Variants in SMOC2 observed in about 807,000 individuals in gnomAD.
The protein encoded by SMOC2 is SPARC related modular calcium binding 2, also known as SPARC-related modular calcium-binding protein 2.
SMOC2 carries 39 observed loss-of-function variants against 61.4 expected under a neutral mutation model. The observed-to-expected ratio is 0.64, with a 90% CI of 0.49 to 0.83. SMOC2 has a LOEUF of 0.83. Among genes scored for constraint, SMOC2 ranks in the 40% least tolerant of loss-of-function variants. The pLI is 0.00. For missense variants in SMOC2, 556 were observed against 592.9 expected, an observed-to-expected ratio of 0.94 and a Z score of 0.65; for synonymous variants, 247 against 239.9, an observed-to-expected ratio of 1.03 and a Z score of -0.27.
At chr6:168,473,186 TGA>T (rs1782003046) in intron 1 of SMOC2, among the ~76,000 whole-genome samples, 2 of 152,156 alleles carry the variant, frequency 1.3e-5, no homozygotes, top group African/African-American at 4.8e-5. Context: ...GGATCAGGGC[TGA>T]GACCACTGAG....
chr6:168,617,371 C>G (rs1376053488), intron 9 of SMOC2, among the ~76,000 whole-genome samples: 1 of 152,176 alleles, frequency 6.6e-6, no homozygotes, highest in Non-Finnish European at 1.5e-5. Context: ...AGCAGGGTGG[C>G]TGTTTCTCAC....
At chr6:168,443,213 G>C (rs1781255985) in intron 1 of SMOC2, among the ~76,000 whole-genome samples, 1 of 152,206 alleles carries the variant, frequency 6.6e-6, no homozygotes, top group Non-Finnish European at 1.5e-5. Context: ...GTGTGTGGGG[G>C]GTGGGGTTGG....
At chr6:168,448,739 C>T (rs927380898) in intron 1 of SMOC2, among the ~76,000 whole-genome samples, 2 of 152,138 alleles carry the variant, frequency 1.3e-5, no homozygotes, top group African/African-American at 4.8e-5. Flanking sequence ...CCTTGCGATA[C>T]ATATTTACGT....
chr6:168,560,630 G>A (rs553960906), intron 7 of SMOC2, among the ~76,000 whole-genome samples: 1 of 578 alleles, frequency 1.7e-3, no homozygotes, highest in Non-Finnish European at 4.0e-3. Context: ...CTGCATTCTT[G>A]GAGGAGGTGT....
At chr6:168,556,266 C>T (rs1784247323) in intron 7 of SMOC2, among the ~76,000 whole-genome samples, 2 of 152,212 alleles carry the variant, frequency 1.3e-5, no homozygotes, top group South Asian at 2.1e-4. Context: ...CACGCCCATA[C>T]TCGGGAACCA....
At position 168,523,079 on chromosome 6, in the gene SMOC2, A is replaced by ATTCTTTTTTTTTTTTTTT. The variant is rs551183247; in HGVS notation, c.257-3265_257-3264insCTTTTTTTTTTTTTTTTT. Among the ~76,000 whole-genome samples, 46 of 93,690 alleles carry ATTCTTTTTTTTTTTTTTT rather than the reference A, an allele frequency of 4.9e-4. 10 individuals are homozygous for ATTCTTTTTTTTTTTTTTT. Among genetic ancestry groups the ATTCTTTTTTTTTTTTTTT allele is most frequent in the South Asian group, 1.2e-3 (3 of 2,408 alleles). 61.5% of individuals were successfully genotyped at this position (93,690 alleles called of 152,430 possible). A position where few individuals can be genotyped will look rare whatever the true frequency, so the allele number is the denominator to read the frequency against. On this transcript the variant is annotated intron_variant, in intron 2 of 12. Transcript: ENST00000356284. ...TTATGTTATTTGTAGTTGTACAGTA[A>ATTCTTTTTTTTTTTTTTT]TTTTTTTTTTTTTTTTTTTTGAGAC...
In SMOC2 at chr6:168,472,810, T is replaced by C. The variant is rs36118686; in HGVS notation, c.84+31356T>C. Among the ~76,000 whole-genome samples the C allele has an allele frequency of 4.1e-3, 627 of 152,268 alleles. 5 individuals carry two copies. Among genetic ancestry groups the C allele is most frequent in the Middle Eastern group, 0.02 (6 of 294 alleles). ...TTTTCTTTTCATATTTTACTAATAC[T>C]ATAGGGGAAATGGGGAAATGCTATT... On this transcript the variant is annotated intron_variant, in intron 1 of 12. Coordinates refer to ENST00000356284, the MANE Select transcript of SMOC2 (RefSeq NM_001166412.2).
At chr6:168,614,188 C>T (rs1242825641) in intron 9 of SMOC2, among the ~76,000 whole-genome samples, 1 of 75,156 alleles carries the variant, frequency 1.3e-5, no homozygotes, top group Non-Finnish European at 2.6e-5. Flanking sequence ...CCTCTTCACA[C>T]CTACAGCCAG....
chr6:168,639,503 T>C lies in SMOC2; in HGVS notation c.908-11178T>C, dbSNP rs144096964. Among the ~76,000 whole-genome samples, 760 of 152,366 alleles carry C rather than the reference T, an allele frequency of 5.0e-3. 5 individuals carry two copies. Among genetic ancestry groups the C allele is most frequent in the African/African-American group, 0.018 (732 of 41,582 alleles). On this transcript the variant is annotated intron_variant, in intron 9 of 12. Coordinates refer to ENST00000356284, the MANE Select transcript of SMOC2 (RefSeq NM_001166412.2). ...CTCCAATATTTGTCTTTCCGTTGTG[T>C]TGGGAACATTCCAGATCTTTTGTAG...
chr6:168,608,332 T>C, intron 9 of SMOC2, 93 bp downstream of exon 9: 1 of 1,377,180 alleles, frequency 7.3e-7, no homozygotes, highest in Non-Finnish European at 1.0e-6. Context: ...TCTGACTCTG[T>C]TTCCCAGGGG....
At chr6:168,607,931 T>C (rs1321623333) in intron 8 of SMOC2, among the ~76,000 whole-genome samples, 2 of 150,344 alleles carry the variant, frequency 1.3e-5, no homozygotes, top group Non-Finnish European at 3.0e-5. Flanking sequence ...GCTGTGTGAT[T>C]GAAGTCACAG....
intron 1 of SMOC2, among the ~76,000 whole-genome samples, chr6:168,446,967 G>A (rs1029783484): frequency 2.0e-4 from 31 of 152,182 alleles, no homozygotes; most frequent in Admixed American, 1.3e-4. Context: ...CAATTAAACT[G>A]TCACTTAAGA....
chr6:168,629,385 C>T (rs115259724), intron 9 of SMOC2, among the ~76,000 whole-genome samples: 53 of 152,394 alleles, frequency 3.5e-4, no homozygotes, highest in African/African-American at 1.3e-3. Flanking sequence ...AGGCCTGCTG[C>T]TCTCCCAGTG....
intron 8 of SMOC2, among the ~76,000 whole-genome samples, chr6:168,606,753 G>A (rs192991523): frequency 7.2e-5 from 11 of 152,228 alleles, no homozygotes; most frequent in South Asian, 6.2e-4. Context: ...GCTCCGGGCC[G>A]GACCCCCTCC....
At chr6:168,611,865 G>A (rs971683199) in intron 9 of SMOC2, among the ~76,000 whole-genome samples, 2 of 152,120 alleles carry the variant, frequency 1.3e-5, no homozygotes, top group Admixed American at 1.3e-4. Context: ...TCCTCAGGAT[G>A]CCCAGGCGGC....
Position 168,473,227 on chromosome 6 carries a change from G to A in SMOC2, c.84+31773G>A, listed in dbSNP as rs140758866. 1.6e-4 allele frequency among the ~76,000 whole-genome samples: 25 copies of A among 152,248 alleles called. No individual in the cohort carries two copies. The East Asian group carries it at 4.6e-3, about 28-fold the overall frequency. ...TTCCTGGGTGAGGCAGATGCCTGGA[G>A]CAGGGTGGCCAGAAAGTGGATCTCC... On this transcript the variant is annotated intron_variant, in intron 1 of 12. Coordinates refer to ENST00000356284, the MANE Select transcript of SMOC2 (RefSeq NM_001166412.2).
intron 9 of SMOC2, among the ~76,000 whole-genome samples, chr6:168,647,782 G>A (rs1286690865): frequency 2.0e-5 from 3 of 151,888 alleles, no homozygotes; most frequent in Admixed American, 6.6e-5. Context: ...ATTTTTGTTC[G>A]CCTTTTTTCT....
intron 11 of SMOC2, chr6:168,655,497 T>A (rs1374948847): frequency 2.2e-6 from 1 of 450,766 alleles, no homozygotes; most frequent in African/African-American, 2.0e-5. Flanking sequence ...CACTGTGAGA[T>A]GCGTGCATGC....
chr6:168,519,220 AGAGT>A (rs879527978), intron 2 of SMOC2, among the ~76,000 whole-genome samples: 192 of 134,638 alleles, frequency 1.4e-3, no homozygotes, highest in Non-Finnish European at 2.4e-3. Flanking sequence ...CGTGTGTGAG[AGAGT>A]GTGTATACGT....
Sources: allele counts gnomAD v4.1 joint callset (sites outside exome capture counted in the v4.1 genomes callset), GRCh38; gene constraint gnomAD v4.1.1; transcripts MANE v1.5; gene names NCBI Gene and HGNC (gene_info 2026-07-23, HGNC 2026-07-21).